The following DDX10 variants were observed in gnomAD, a reference collection of about 807,000 sequenced individuals.
DDX10 encodes the protein probable ATP-dependent RNA helicase DDX10.
Under a neutral mutation model 104.3 loss-of-function variants are expected in DDX10, and 74 were observed. The ratio of observed to expected loss-of-function variants is 0.71; its 90% confidence interval spans 0.59 to 0.86. The LOEUF (loss-of-function observed/expected upper bound fraction) is 0.86. DDX10 is among the 40% of genes least tolerant of loss of function. DDX10 has a pLI of 0.00. For synonymous variants in DDX10, 351 were observed against 353.4 expected, an observed-to-expected ratio of 0.99 and a Z score of 0.08; for missense variants, 952 against 1,040.0, an observed-to-expected ratio of 0.92 and a Z score of 1.16.
chr11:108,749,086 C>CTCTCTA, intron 13 of DDX10, among the ~76,000 whole-genome samples: 1 of 150,880 alleles, frequency 6.6e-6, no homozygotes, highest in South Asian at 2.1e-4. Context: ...CTCTCTCTCT[C>CTCTCTA]TATATATATA....
At chr11:108,769,448 TAAAA>T (rs369822189) in intron 13 of DDX10, among the ~76,000 whole-genome samples, 6 of 151,854 alleles carry the variant, frequency 4.0e-5, no homozygotes, top group Non-Finnish European at 8.8e-5. Flanking sequence ...AATCTGCTCT[TAAAA>T]AAAAGTAGTA....
chr11:108,838,313 G>T, intron 13 of DDX10, 133 bp from the exon 14 acceptor site: 1 of 940,642 alleles, frequency 1.1e-6, no homozygotes, highest in Non-Finnish European at 1.5e-6. Context: ...CCTGGACAGT[G>T]TTTTCAATGC....
intron 13 of DDX10, among the ~76,000 whole-genome samples, chr11:108,827,335 T>C (rs969284018): frequency 6.6e-6 from 1 of 152,200 alleles, no homozygotes; most frequent in Non-Finnish European, 1.5e-5. Context: ...CAATAGGGCT[T>C]ACTATAATGG....
At chr11:108,707,223 T>C (rs978633021) in intron 10 of DDX10, among the ~76,000 whole-genome samples, 3 of 152,240 alleles carry the variant, frequency 2.0e-5, no homozygotes, top group African/African-American at 7.2e-5. Context: ...TAATATCATA[T>C]GGCAGTTTTC....
chr11:108,687,753 G>A (rs1257583871), intron 6 of DDX10, among the ~76,000 whole-genome samples: 1 of 152,134 alleles, frequency 6.6e-6, no homozygotes, highest in Non-Finnish European at 1.5e-5. Context: ...TTGATAGTGT[G>A]TTTCACAGAT....
At chr11:108,789,647 T>C (rs904775879) in intron 13 of DDX10, among the ~76,000 whole-genome samples, 1 of 152,214 alleles carries the variant, frequency 6.6e-6, no homozygotes. Context: ...CTACTTCTTG[T>C]TTATAAAGCC....
intron 12 of DDX10, among the ~76,000 whole-genome samples, chr11:108,722,630 T>A (rs1247539908): frequency 6.6e-6 from 1 of 152,172 alleles, no homozygotes; most frequent in African/African-American, 2.4e-5. Flanking sequence ...TTACAGCAAC[T>A]GTGAGTTAGG....
intron 13 of DDX10, among the ~76,000 whole-genome samples, chr11:108,795,910 A>G (rs376513624): frequency 6.6e-6 from 1 of 152,184 alleles, no homozygotes; most frequent in East Asian, 1.9e-4. Flanking sequence ...TCCTTGAGGA[A>G]TCTCCACACT....
intron 13 of DDX10, among the ~76,000 whole-genome samples, chr11:108,743,350 C>T (rs1325521452): frequency 6.6e-6 from 1 of 152,164 alleles, no homozygotes; most frequent in Non-Finnish European, 1.5e-5. Context: ...TAAAAACCCT[C>T]TAACTAGGCA....
At chr11:108,750,267 C>A (rs1406782839) in intron 13 of DDX10, among the ~76,000 whole-genome samples, 1 of 152,106 alleles carries the variant, frequency 6.6e-6, no homozygotes, top group Non-Finnish European at 1.5e-5. Context: ...GTTAGTGATG[C>A]TATAGTACCC....
At chr11:108,820,529 G>A (rs1225203396) in intron 13 of DDX10, among the ~76,000 whole-genome samples, 1 of 152,150 alleles carries the variant, frequency 6.6e-6, no homozygotes, top group Non-Finnish European at 1.5e-5. Context: ...TAAGTGGCCG[G>A]TCAAATGTAT....
intron 6 of DDX10, among the ~76,000 whole-genome samples, chr11:108,684,800 A>G (rs2094241156): frequency 6.7e-6 from 1 of 148,886 alleles, no homozygotes; most frequent in Non-Finnish European, 1.5e-5. Context: ...TGGTTGAACT[A>G]GTTTACAGTC....
intron 16 of DDX10, among the ~76,000 whole-genome samples, chr11:108,867,111 C>G (rs1863017088): frequency 6.6e-6 from 1 of 152,020 alleles, no homozygotes; most frequent in South Asian, 2.1e-4. Flanking sequence ...AGGTTGACAT[C>G]AAACAAAAGG....
intron 13 of DDX10, among the ~76,000 whole-genome samples, chr11:108,784,927 G>T (rs1489528705): frequency 2.6e-5 from 4 of 152,106 alleles, no homozygotes; most frequent in Non-Finnish European, 4.4e-5. Context: ...AGTTACTCTG[G>T]TATCATTTAT....
chr11:108,701,244 G>A (rs958220679), intron 9 of DDX10, among the ~76,000 whole-genome samples: 3 of 152,110 alleles, frequency 2.0e-5, no homozygotes, highest in African/African-American at 7.2e-5. Context: ...GAACAGAACA[G>A]TTGGACTCAG....
chr11:108,844,352 T>C (rs937598027), intron 15 of DDX10, among the ~76,000 whole-genome samples: 1 of 152,226 alleles, frequency 6.6e-6, no homozygotes, highest in Non-Finnish European at 1.5e-5. Context: ...TTTATAGTAT[T>C]TTCATTGGTA....
At chr11:108,675,357 T>C (rs1439180753) in intron 2 of DDX10, among the ~76,000 whole-genome samples, 5 of 152,208 alleles carry the variant, frequency 3.3e-5, no homozygotes, top group Admixed American at 3.3e-4. Flanking sequence ...GGACCCTTGG[T>C]GTCTCTTTGT....
chr11:108,809,020 C>CT lies in DDX10; in HGVS notation c.1966-29415dup, dbSNP rs916106072. Among the ~76,000 whole-genome samples the CT allele has an allele frequency of 1.8e-3, 261 of 147,518 alleles. 1 individual carries two copies. Among genetic ancestry groups the CT allele is most frequent in the African/African-American group, 4.7e-3 (190 of 40,414 alleles). ...TTCTAACTGTAATAGTGGAAAATAACTTTTTTTTTTTCAGGAAATGCTAGT... is the reference window on the plus strand; with the variant it reads ...TTCTAACTGTAATAGTGGAAAATAACTTTTTTTTTTTTCAGGAAATGCTAGT... On this transcript the variant is annotated intron_variant, in intron 13 of 17. Transcript: ENST00000322536.
At chr11:108,923,043 T>C (rs184520646) in intron 17 of DDX10, among the ~76,000 whole-genome samples, 1 of 152,350 alleles carries the variant, frequency 6.6e-6, no homozygotes, top group East Asian at 1.9e-4. Flanking sequence ...TATATTGGTA[T>C]AGGCTGTGTT....
Sources: allele counts gnomAD v4.1 joint callset (sites outside exome capture counted in the v4.1 genomes callset), GRCh38; gene constraint gnomAD v4.1.1; transcripts MANE v1.5; gene names NCBI Gene and HGNC (gene_info 2026-07-23, HGNC 2026-07-21).